Variants in CD109 observed in about 807,000 individuals in gnomAD.
The protein encoded by CD109 is CD109 antigen.
A neutral mutation model predicts 165.8 loss-of-function variants in CD109; 149 were observed. The ratio of observed to expected loss-of-function variants is 0.90; its 90% CI spans 0.79 to 1.03. The LOEUF is 1.03. Among genes scored for constraint, CD109 ranks in the 50% least tolerant of loss-of-function variants. The probability of loss-of-function intolerance (pLI) is 0.00; values close to 1 mark genes in which losing one functional copy is unlikely to be tolerated. For synonymous variants in CD109, 585 were observed against 592.1 expected, an observed-to-expected ratio of 0.99 and a Z score of 0.18; for missense variants, 1,712 against 1,677.8, an observed-to-expected ratio of 1.02 and a Z score of -0.36.
At chr6:73,728,334 C>T (rs890747211) in intron 3 of CD109, among the ~76,000 whole-genome samples, 4 of 152,006 alleles carry the variant, frequency 2.6e-5, no homozygotes, top group African/African-American at 9.7e-5. Context: ...CAAAACAAAA[C>T]ACTTCTTTAT....
rs41265533 is a variant in CD109, at chr6:73,763,591, T to C, written c.1013T>C (p.Val338Ala). 217 of 1,569,394 alleles carry C rather than the reference T, an allele frequency of 1.4e-4. No individual in the cohort carries two copies. The African/African-American group carries it at 2.3e-3, about 17-fold the overall frequency. ...TESVTGISRN[V>A]STNVFFKQHD... ...TCCAAAAAAGGTATTTCAAGAAATG[T>C]AAGCACTAATGTGTTCTTCAAGCAA... is the stretch of plus-strand genomic sequence containing the variant. The change falls in exon 10 of 33, where the codon GTA becomes GCA. Residue 338 changes from valine to alanine, a missense_variant. By Grantham distance (64) the Val-to-Ala change is moderately conservative (BLOSUM62 0). Coordinates refer to ENST00000287097, the MANE Select transcript of CD109 (RefSeq NM_133493.5).
chr6:73,728,405 C>G lies in CD109; in HGVS notation c.277-1939C>G, dbSNP rs142182841. Among the ~76,000 whole-genome samples, 311 of 152,236 alleles carry G rather than the reference C, an allele frequency of 2.0e-3. 1 individual carries two copies. The highest frequency in any genetic ancestry group is 7.2e-3 in the African/African-American group (298 of 41,538). ...GAAGGTGACATACTGATTGTTTTTC[C>G]TAACATTTTATTATTAACTTTTCAA... is the stretch of plus-strand genomic sequence containing the variant. On this transcript the variant is annotated intron_variant, in intron 3 of 32. Transcript: ENST00000287097.
intron 7 of CD109, among the ~76,000 whole-genome samples, chr6:73,761,051 ACACACACACACAC>A: frequency 6.6e-6 from 1 of 151,636 alleles, no homozygotes; most frequent in East Asian, 1.9e-4. Context: ...ACACACACAC[ACACACACACACAC>A]ACACACAAAC....
intron 24 of CD109, among the ~76,000 whole-genome samples, chr6:73,805,433 T>G (rs2150291901): frequency 6.6e-6 from 1 of 152,322 alleles, no homozygotes; most frequent in South Asian, 2.1e-4. Context: ...CCTATCTCAG[T>G]AGATGGAACA....
rs547102979 is a variant in CD109, at chr6:73,788,406, G to A, written c.2557-62G>A. On this transcript the variant is annotated intron_variant, in intron 21 of 32. Coordinates refer to ENST00000287097, the MANE Select transcript of CD109 (RefSeq NM_133493.5). ...GTCAGATGTTTGTGCTCATATCTGC[G>A]TATAGTTCTCTGTAAACATGTGAGT... The A allele has an allele frequency of 2.0e-3, 2,934 of 1,487,288 alleles. 7 individuals are homozygous for A. Among genetic ancestry groups the A allele is most frequent in the Non-Finnish European group, 2.5e-3 (2,778 of 1,095,886 alleles). The allele number at this position is 1,487,288 out of a possible 1,614,324, so 92.1% of individuals were successfully genotyped here. A position where few individuals can be genotyped will look rare whatever the true frequency, so the allele number is the denominator to read the frequency against.
chr6:73,762,835 C>A lies in CD109; in HGVS notation c.950C>A (p.Ser317Tyr), dbSNP rs762244483. The A allele has an allele frequency of 1.9e-6, 3 of 1,612,286 alleles. No homozygotes were observed. In the African/African-American group the frequency reaches 4.0e-5, roughly 21 times the overall value. Residue 317 changes from serine (S) to tyrosine (Y), a missense_variant, in exon 9 of 33, where the codon TCC becomes TAC. Coordinates refer to ENST00000287097, the MANE Select transcript of CD109 (RefSeq NM_133493.5). ...CTTTCTGAATACCTGGATCTATCTT[C>A]CCCTGGACCAGTAGAAATTTTAACC... ...NGLSEYLDLS[S>Y]PGPVEILTTV... is the part of the protein sequence containing the mutation.
chr6:73,781,766 CACACAG>C lies in CD109; in HGVS notation c.1963+459_1963+464del, dbSNP rs1335083232. On this transcript the variant is annotated intron_variant, in intron 17 of 32. Coordinates refer to ENST00000287097, the MANE Select transcript of CD109 (RefSeq NM_133493.5). ...ATTCTGGTACACACACACACACACACACACAGACACAGACACACACACACACACAGA... is the reference window on the plus strand; with the variant it reads ...ATTCTGGTACACACACACACACACACACACAGACACACACACACACACAGA... Among the ~76,000 whole-genome samples the C allele has an allele frequency of 4.6e-4, 70 of 150,930 alleles. 1 individual carries two copies. Among genetic ancestry groups the C allele is most frequent in the African/African-American group, 1.7e-3 (68 of 40,996 alleles).
In CD109 at chr6:73,809,711, A is replaced by T. The variant is rs575710666; in HGVS notation, c.3356-273A>T. ...ATTCCAAAAATTCAAACAAAACAGAAATTGGACACACTTCTGGCCCCAAGC... is the reference window on the plus strand; with the variant it reads ...ATTCCAAAAATTCAAACAAAACAGATATTGGACACACTTCTGGCCCCAAGC... On this transcript the variant is annotated intron_variant, in intron 26 of 32. Transcript: ENST00000287097. 7.2e-5 allele frequency among the ~76,000 whole-genome samples: 11 copies of T among 152,214 alleles called. No homozygotes were observed. The East Asian group carries it at 1.9e-3, about 27-fold the overall frequency.
rs1252654973 is a variant in CD109 at position 73,763,620 on chromosome 6, G to T, written c.1042G>T (p.Asp348Tyr). 6.3e-7 allele frequency: 1 copy of T among 1,596,408 alleles called. No individual in the cohort carries two copies. Among genetic ancestry groups the T allele is most frequent in the Non-Finnish European group, 8.5e-7 (1 of 1,170,350 alleles). The change falls in exon 10 of 33, where the codon GAT becomes TAT. Residue 348 changes from aspartate to tyrosine, a missense_variant. Asp to Tyr is a radical substitution (Grantham distance 160, BLOSUM62 -3). Transcript: ENST00000287097. ...CACTAATGTGTTCTTCAAGCAACATGATTACATCATTGAGTTTTTTGATTA... is the reference window on the plus strand; with the variant it reads ...CACTAATGTGTTCTTCAAGCAACATTATTACATCATTGAGTTTTTTGATTA... ...VSTNVFFKQH[D>Y]YIIEFFDYTT...
At chr6:73,787,540 G>A in intron 21 of CD109, 88 bp downstream of exon 21, 1 of 986,166 alleles carries the variant, frequency 1.0e-6, no homozygotes, top group Non-Finnish European at 1.5e-6. Flanking sequence ...AAATTTGTTG[G>A]CATATCTAGT....
upstream of CD109, among the ~76,000 whole-genome samples, chr6:73,691,523 G>T (rs748227835): frequency 5.9e-5 from 9 of 152,142 alleles, no homozygotes; most frequent in Non-Finnish European, 1.2e-4. Context: ...TTTCTGAATT[G>T]TGGGCCAAAT....
chr6:73,732,871 G>C (rs1324567286), intron 4 of CD109, among the ~76,000 whole-genome samples: 1 of 152,232 alleles, frequency 6.6e-6, no homozygotes, highest in Admixed American at 6.5e-5. Context: ...AAAGGGCTCA[G>C]AGAGACTTTC....
At chr6:73,738,416 C>T (rs1236915980) in intron 5 of CD109, among the ~76,000 whole-genome samples, 2 of 152,196 alleles carry the variant, frequency 1.3e-5, no homozygotes. Flanking sequence ...TTGGTCCATT[C>T]AGATGCCACC....
At chr6:73,791,127 A>ATG (rs1286905908) in intron 22 of CD109, among the ~76,000 whole-genome samples, 1 of 63,798 alleles carries the variant, frequency 1.6e-5, no homozygotes, top group Non-Finnish European at 2.6e-5. Flanking sequence ...GCATATATAT[A>ATG]CATACATACA....
At position 73,812,240 on chromosome 6, in the gene CD109, C is replaced by A; in HGVS notation, c.3738C>A (p.Ser1246=). ...TACAGCCAACGGCAGTTAATATTTC[C>A]GCAAATGGTTTTGGATTTGCTATTT... ...AVVQPTAVNI[S]ANGFGFAICQ... The change falls in exon 29 of 33, where the codon TCC becomes TCA. Residue 1246 remains serine (S), a synonymous_variant. Transcript: ENST00000287097. The A allele has an allele frequency of 6.2e-7, 1 of 1,609,218 alleles. No homozygotes were observed. Among genetic ancestry groups the A allele is most frequent in the Non-Finnish European group, 8.5e-7 (1 of 1,177,206 alleles).
Position 73,783,825 on chromosome 6 carries a change from G to T in CD109, c.2223+1G>T, listed in dbSNP as rs774784808. 2.0e-6 allele frequency: 3 copies of T among 1,525,274 alleles called. No individual in the cohort carries two copies. Among genetic ancestry groups the T allele is most frequent in the East Asian group, 2.3e-5 (1 of 44,424 alleles). 94.5% of individuals were successfully genotyped at this position (1,525,274 alleles called of 1,614,324 possible). ...TGGACTAACAACTACTCCAGTGGAG[G>T]TATTGTATTAAAGAGCTGCTTATCA... On this transcript the variant is annotated splice_donor_variant, in intron 19 of 32. Transcript: ENST00000287097. LOFTEE classifies it high-confidence loss of function.
At chr6:73,739,343 G>C (rs1450023234) in intron 5 of CD109, among the ~76,000 whole-genome samples, 1 of 152,092 alleles carries the variant, frequency 6.6e-6, no homozygotes, top group Non-Finnish European at 1.5e-5. Flanking sequence ...CTGTGGCCTT[G>C]GTCTCTGGCT....
intron 5 of CD109, among the ~76,000 whole-genome samples, chr6:73,753,051 G>C (rs1281816163): frequency 6.6e-6 from 1 of 151,732 alleles, no homozygotes; most frequent in Non-Finnish European, 1.5e-5. Flanking sequence ...TTTTAAACTA[G>C]AGGTTAGCAA....
chr6:73,755,921 A>G (rs1484270287), intron 5 of CD109, among the ~76,000 whole-genome samples: 1 of 152,166 alleles, frequency 6.6e-6, no homozygotes, highest in African/African-American at 2.4e-5. Flanking sequence ...TGTTTGTGCC[A>G]CTATACTCCA....
Sources: allele counts gnomAD v4.1 joint callset (sites outside exome capture counted in the v4.1 genomes callset), GRCh38; gene constraint gnomAD v4.1.1; transcripts MANE v1.5; gene names NCBI Gene and HGNC (gene_info 2026-07-23, HGNC 2026-07-21).